PI4KA: variants seen among roughly 807,000 people sequenced by gnomAD.
PI4KA encodes the protein PI4-kinase alpha.
In PI4KA, 122 loss-of-function variants were observed where a neutral mutation model predicts 271.4. The observed-to-expected ratio is 0.45, with a 90% CI of 0.39 to 0.52. PI4KA has a LOEUF of 0.52. Ranked by LOEUF, PI4KA falls within the 20% of genes least tolerant of loss-of-function variation. The probability of loss-of-function intolerance (pLI) is 0.00; values close to 1 mark genes in which losing one functional copy is unlikely to be tolerated. For synonymous variants in PI4KA, 1,041 were observed against 1,078.8 expected, an observed-to-expected ratio of 0.96 and a Z score of 0.69; for missense variants, 1,969 against 2,769.1, an observed-to-expected ratio of 0.71 and a Z score of 6.48.
intron 22 of PI4KA, 152 bp downstream of exon 22, chr22:20,764,665 C>A (rs537165677): frequency 8.7e-6 from 6 of 689,242 alleles, no homozygotes; most frequent in African/African-American, 5.5e-5. Context: ...GAGGGGCATA[C>A]GAGAAAAGTA....
chr22:20,721,249 A>T (rs5751800), intron 43 of PI4KA, 49 bp downstream of exon 43: 1 of 1,606,002 alleles, frequency 6.2e-7, no homozygotes, highest in Admixed American at 1.7e-5. Context: ...GGTGCTTGGC[A>T]GTGCACTGAA....
intron 4 of PI4KA, among the ~76,000 whole-genome samples, chr22:20,822,098 G>A (rs1299500094): frequency 6.6e-6 from 1 of 152,144 alleles, no homozygotes; most frequent in Non-Finnish European, 1.5e-5. Flanking sequence ...CAAGAACAGT[G>A]CAGGGGTTCA....
chr22:20,780,316 C>A, intron 19 of PI4KA: 1 of 1,501,208 alleles, frequency 6.7e-7, no homozygotes. Flanking sequence ...GAAAACTAGA[C>A]ACAAGATTGA....
At chr22:20,815,148 C>G (rs111939785) in intron 7 of PI4KA, among the ~76,000 whole-genome samples, 32 of 151,802 alleles carry the variant, frequency 2.1e-4, no homozygotes, top group African/African-American at 7.7e-4. Context: ...TTTGGGAGGC[C>G]GAGGCGGGTG....
At position 20,731,263 on chromosome 22, in the gene PI4KA, C is replaced by T. The variant is rs190090368; in HGVS notation, c.4289-1252G>A. ...ATGGCAGTTATCTGATCACCGGCAA[C>T]GTATAGTCCTTTAGTACGGTGACAA... On this transcript the variant is annotated intron_variant, in intron 36 of 54. Coordinates refer to ENST00000255882, the MANE Select transcript of PI4KA (RefSeq NM_058004.4). Among the ~76,000 whole-genome samples, 441 of 152,310 alleles carry T rather than the reference C, an allele frequency of 2.9e-3. 3 individuals carry two copies. Among genetic ancestry groups the T allele is most frequent in the Middle Eastern group, 6.8e-3 (2 of 294 alleles).
At chr22:20,787,401 ACT>A (rs1934336771) in intron 19 of PI4KA, 1 of 370,864 alleles carries the variant, frequency 2.7e-6, no homozygotes. Context: ...TGCACACCTG[ACT>A]CTGTCACTCA....
At chr22:20,799,595 C>G in intron 15 of PI4KA, 76 bp downstream of exon 15, 1 of 987,568 alleles carries the variant, frequency 1.0e-6, no homozygotes, top group Non-Finnish European at 1.6e-6. Flanking sequence ...GGCATGCATA[C>G]GCACAATGCC....
intron 47 of PI4KA, 143 bp from the exon 48 acceptor site, chr22:20,713,533 G>A (rs1214703292): frequency 3.1e-6 from 2 of 655,120 alleles, no homozygotes; most frequent in Non-Finnish European, 5.3e-6. Context: ...GGAGGCCAAG[G>A]AGGAGCCCAG....
intron 3 of PI4KA, 117 bp from the exon 4 acceptor site, chr22:20,824,531 G>T: frequency 1.5e-6 from 1 of 657,474 alleles, no homozygotes; most frequent in South Asian, 1.9e-5. Context: ...CCAGTTTACA[G>T]CAGCTGCCCT....
At chr22:20,750,843 T>C (rs1176242919) in intron 27 of PI4KA, among the ~76,000 whole-genome samples, 3 of 152,116 alleles carry the variant, frequency 2.0e-5, no homozygotes, top group Non-Finnish European at 2.9e-5. Context: ...TCCTCCTCTT[T>C]TGGAGTGATT....
At chr22:20,848,237 C>CAAGAAAAAAAAAAAAAAAAAAAAA (rs1569099398) in intron 1 of PI4KA, among the ~76,000 whole-genome samples, 1 of 51,226 alleles carries the variant, frequency 2.0e-5, no homozygotes, top group African/African-American at 7.8e-5. Context: ...GACTCCATCT[C>CAAGAAAAAAAAAAAAAAAAAAAAA]AAAAAAAAAA....
chr22:20,787,178 C>G, intron 19 of PI4KA: 1 of 1,003,242 alleles, frequency 1.0e-6, no homozygotes, highest in Non-Finnish European at 1.5e-6. Flanking sequence ...CGCTACCAAT[C>G]TGAATTCGAG....
intron 2 of PI4KA, among the ~76,000 whole-genome samples, chr22:20,835,791 G>A (rs1924788450): frequency 6.6e-6 from 1 of 152,106 alleles, no homozygotes; most frequent in Non-Finnish European, 1.5e-5. Context: ...GCTCACACCT[G>A]TAATCCCAGC....
At chr22:20,768,820 C>T (rs1037132069) in intron 19 of PI4KA, among the ~76,000 whole-genome samples, 2 of 152,084 alleles carry the variant, frequency 1.3e-5, no homozygotes, top group African/African-American at 4.8e-5. Context: ...CAGACGGAAG[C>T]GACACAGGGC....
At chr22:20,759,858 C>A (rs530695774) in intron 23 of PI4KA, among the ~76,000 whole-genome samples, 13 of 152,098 alleles carry the variant, frequency 8.5e-5, no homozygotes, top group Non-Finnish European at 1.9e-4. Context: ...AGTCACCGCA[C>A]CCAGCCAATT....
Position 20,799,229 on chromosome 22 carries a change from A to T in PI4KA, c.1868T>A (p.Ile623Asn). 1 of 1,563,812 alleles carries T rather than the reference A, an allele frequency of 6.4e-7. No homozygotes were observed. Among genetic ancestry groups the T allele is most frequent in the Non-Finnish European group, 8.7e-7 (1 of 1,155,228 alleles). ...CGGGGTGTCCCTCAAGGCCACCGCA[A>T]TGTGTCCCAAGGCTCGGATTGTGTG... ...PDHTIRALGHIAVALRDTPKV... is the reference protein window; with the variant it reads ...PDHTIRALGHNAVALRDTPKV... The change falls in exon 16 of 55, where the codon ATT (isoleucine) becomes AAT (asparagine). Residue 623 changes from isoleucine (I) to asparagine (N), a missense_variant. Transcript: ENST00000255882.
chr22:20,760,163 G>T (rs1931817176), intron 23 of PI4KA, among the ~76,000 whole-genome samples: 1 of 152,164 alleles, frequency 6.6e-6, no homozygotes, highest in Admixed American at 6.5e-5. Flanking sequence ...TCAATCTCAA[G>T]AATTTATCAA....
chr22:20,744,808 G>C, intron 29 of PI4KA, 88 bp from the exon 30 acceptor site: 1 of 1,027,174 alleles, frequency 9.7e-7, no homozygotes, highest in Middle Eastern at 2.1e-4. Flanking sequence ...CAATGAAGCA[G>C]TCACACTCGG....
chr22:20,712,062 GT>G (rs1312900074), intron 50 of PI4KA, among the ~76,000 whole-genome samples: 78 of 125,080 alleles, frequency 6.2e-4, no homozygotes, highest in African/African-American at 8.1e-4. Flanking sequence ...GTTTTTTTGT[GT>G]TTTTTTTTTT....
Sources: allele counts gnomAD v4.1 joint callset (sites outside exome capture counted in the v4.1 genomes callset), GRCh38; gene constraint gnomAD v4.1.1; transcripts MANE v1.5; gene names NCBI Gene and HGNC (gene_info 2026-07-23, HGNC 2026-07-21).